The following EHBP1 variants were observed in gnomAD, a reference collection of about 807,000 sequenced individuals.
The protein encoded by EHBP1 is EH domain binding protein 1, also known as EH domain-binding protein 1.
EHBP1 carries 55 observed loss-of-function variants against 144.0 expected under a neutral mutation model. The observed-to-expected ratio is 0.38, with a 90% CI of 0.31 to 0.48. The LOEUF (loss-of-function observed/expected upper bound fraction) is 0.48. Ranked by LOEUF, EHBP1 falls within the 20% of genes least tolerant of loss-of-function variation. The probability of loss-of-function intolerance (pLI) is 0.98; values close to 1 mark genes in which losing one functional copy is unlikely to be tolerated. For synonymous variants in EHBP1, 469 were observed against 472.7 expected (o/e 0.99, Z 0.10); for missense variants, 1,200 against 1,364.2 (o/e 0.88, Z 1.90).
chr2:62,848,279 C>T (rs930373238), intron 7 of EHBP1, among the ~76,000 whole-genome samples: 4 of 151,794 alleles, frequency 2.6e-5, no homozygotes, highest in African/African-American at 7.3e-5. Flanking sequence ...GATGGGGTTT[C>T]ACCATGTTGG....
At chr2:62,754,695 C>T (rs1171857218) in intron 3 of EHBP1, among the ~76,000 whole-genome samples, 4 of 152,172 alleles carry the variant, frequency 2.6e-5, no homozygotes, top group East Asian at 1.9e-4. Context: ...TGGTGGGTGC[C>T]CCTCCCGCAG....
chr2:62,766,623 C>T (rs1399617286), intron 4 of EHBP1, among the ~76,000 whole-genome samples: 1 of 152,054 alleles, frequency 6.6e-6, no homozygotes, highest in Non-Finnish European at 1.5e-5. Flanking sequence ...TAATGTGACC[C>T]CACTACTTTT....
intron 19 of EHBP1, among the ~76,000 whole-genome samples, chr2:63,028,349 A>G (rs75309128): frequency 0.022 from 3,360 of 152,328 alleles, 155 homozygotes; most frequent in African/African-American, 0.076. Flanking sequence ...CTTACTGTGC[A>G]GGCAGCTAAT....
At chr2:62,859,111 A>G (rs1222690404) in intron 7 of EHBP1, 58 bp from the exon 8 acceptor site, 2 of 1,465,414 alleles carry the variant, frequency 1.4e-6, no homozygotes, top group Non-Finnish European at 1.8e-6. Context: ...ATATTTCACG[A>G]ATGTTCAATA....
chr2:62,853,549 C>G (rs186803484), intron 7 of EHBP1, among the ~76,000 whole-genome samples: 1 of 152,302 alleles, frequency 6.6e-6, no homozygotes, highest in African/African-American at 2.4e-5. Context: ...TTCCTTCTTC[C>G]AAACTCCTGT....
At chr2:63,015,775 A>G (rs961506800) in intron 19 of EHBP1, among the ~76,000 whole-genome samples, 9 of 152,196 alleles carry the variant, frequency 5.9e-5, no homozygotes, top group African/African-American at 1.7e-4. Flanking sequence ...TTAATTACAG[A>G]ACTGAAAAAA....
intron 19 of EHBP1, among the ~76,000 whole-genome samples, chr2:63,017,121 C>G (rs1188844179): frequency 3.3e-5 from 5 of 152,218 alleles, no homozygotes; most frequent in African/African-American, 9.6e-5. Flanking sequence ...GACACTATGG[C>G]TTTAGAAATA....
chr2:62,708,267 G>A (rs1313295535), intron 2 of EHBP1, among the ~76,000 whole-genome samples: 2 of 151,954 alleles, frequency 1.3e-5, no homozygotes, highest in Non-Finnish European at 2.9e-5. Flanking sequence ...AACTTATTAG[G>A]AATATTATTT....
chr2:62,770,419 C>T (rs1315963821), intron 4 of EHBP1, among the ~76,000 whole-genome samples: 1 of 152,164 alleles, frequency 6.6e-6, no homozygotes. Context: ...AAAAGTTCAA[C>T]ATCAGTGATC....
intron 15 of EHBP1, among the ~76,000 whole-genome samples, chr2:62,980,698 G>T (rs925607707): frequency 6.6e-6 from 1 of 151,708 alleles, no homozygotes; most frequent in African/African-American, 2.4e-5. Context: ...AACCCATCTT[G>T]CCAGGTACAG....
intron 19 of EHBP1, among the ~76,000 whole-genome samples, chr2:62,998,808 C>T (rs1240924219): frequency 6.6e-6 from 1 of 152,108 alleles, no homozygotes; most frequent in Non-Finnish European, 1.5e-5. Flanking sequence ...TCTGCTACTG[C>T]AGATTTAGAC....
intron 14 of EHBP1, among the ~76,000 whole-genome samples, chr2:62,976,516 C>A (rs2058722060): frequency 6.6e-6 from 1 of 152,176 alleles, no homozygotes; most frequent in Non-Finnish European, 1.5e-5. Flanking sequence ...AACTTGGCTG[C>A]AATTGATACT....
chr2:62,969,944 T>C (rs376548611), intron 14 of EHBP1, among the ~76,000 whole-genome samples: 2 of 152,312 alleles, frequency 1.3e-5, no homozygotes, highest in East Asian at 3.9e-4. Context: ...ATTTATTCAG[T>C]CAGGAGCTGA....
intron 3 of EHBP1, among the ~76,000 whole-genome samples, chr2:62,750,897 G>A (rs2039637981): frequency 6.6e-6 from 1 of 152,226 alleles, no homozygotes; most frequent in Non-Finnish European, 1.5e-5. Context: ...AGACAAATGG[G>A]GTTTTCTAAA....
intron 19 of EHBP1, among the ~76,000 whole-genome samples, chr2:63,028,487 C>G (rs2061085233): frequency 6.6e-6 from 1 of 151,876 alleles, no homozygotes; most frequent in African/African-American, 2.4e-5. Context: ...ACAGGCTGGC[C>G]TTGAACTTCT....
intron 14 of EHBP1, among the ~76,000 whole-genome samples, chr2:62,969,277 A>G (rs899203196): frequency 2.6e-5 from 4 of 152,152 alleles, no homozygotes; most frequent in African/African-American, 4.8e-5. Context: ...AGAATATAAA[A>G]CTTTCTATCC....
intron 1 of EHBP1, among the ~76,000 whole-genome samples, chr2:62,681,247 A>C (rs1268392836): frequency 6.7e-6 from 1 of 148,362 alleles, no homozygotes; most frequent in African/African-American, 2.5e-5. Flanking sequence ...TGGAGGTTGC[A>C]GTGTGCTGAG....
chr2:63,004,604 A>G (rs1468484000), intron 19 of EHBP1, among the ~76,000 whole-genome samples: 1 of 152,116 alleles, frequency 6.6e-6, no homozygotes, highest in Non-Finnish European at 1.5e-5. Context: ...ACTTCAATAA[A>G]ATAAGAGAAC....
At chr2:62,883,058 T>C (rs1204155344) in intron 10 of EHBP1, among the ~76,000 whole-genome samples, 1 of 152,148 alleles carries the variant, frequency 6.6e-6, no homozygotes, top group African/African-American at 2.4e-5. Context: ...ATGTACTGTC[T>C]ATACCATTAT....
Sources: allele counts gnomAD v4.1 joint callset (sites outside exome capture counted in the v4.1 genomes callset), GRCh38; gene constraint gnomAD v4.1.1; transcripts MANE v1.5; gene names NCBI Gene and HGNC (gene_info 2026-07-23, HGNC 2026-07-21).